The following FRMD4B variants were observed in gnomAD, a reference collection of about 807,000 sequenced individuals.
FRMD4B encodes FERM domain-containing protein 4B.
Under a neutral mutation model 141.5 loss-of-function variants are expected in FRMD4B, and 74 were observed. The ratio of observed to expected loss-of-function variants is 0.52; its 90% confidence interval spans 0.43 to 0.63. The LOEUF is 0.63. FRMD4B is among the 30% of genes least tolerant of loss of function. The pLI, the probability that FRMD4B is intolerant of heterozygous loss-of-function variation, is 0.00. For synonymous variants in FRMD4B, 506 were observed against 467.9 expected (o/e 1.08, Z -1.05); for missense variants, 1,366 against 1,253.4 (o/e 1.09, Z -1.36).
At chr3:69,338,270 A>T (rs1702620813) in intron 1 of FRMD4B, among the ~76,000 whole-genome samples, 3 of 152,168 alleles carry the variant, frequency 2.0e-5, no homozygotes, top group Admixed American at 6.5e-5. Flanking sequence ...CAACTCATGG[A>T]TGCAGAACGG....
At chr3:69,492,013 G>A (rs749278782) in intron 1 of FRMD4B, among the ~76,000 whole-genome samples, 12 of 152,234 alleles carry the variant, frequency 7.9e-5, no homozygotes, top group East Asian at 1.9e-4. Flanking sequence ...CAAGACAGTC[G>A]GCCAAGAGCA....
At chr3:69,203,752 T>C (rs890529150) in intron 11 of FRMD4B, among the ~76,000 whole-genome samples, 5 of 152,230 alleles carry the variant, frequency 3.3e-5, no homozygotes, top group Non-Finnish European at 7.3e-5. Context: ...GCCCAACGCC[T>C]GGCTCAGTAT....
chr3:69,242,609 C>T (rs923363383), intron 7 of FRMD4B, among the ~76,000 whole-genome samples: 2 of 137,350 alleles, frequency 1.5e-5, no homozygotes, highest in African/African-American at 5.5e-5. Flanking sequence ...CACTGAATTG[C>T]AAAATGTAGT....
intron 7 of FRMD4B, 71 bp downstream of exon 7, chr3:69,249,155 T>C: frequency 1.0e-6 from 1 of 970,908 alleles, no homozygotes; most frequent in Non-Finnish European, 1.6e-6. Flanking sequence ...TCCATTGTTA[T>C]TTAAAATAAC....
At chr3:69,209,139 A>G (rs1280646169) in intron 11 of FRMD4B, among the ~76,000 whole-genome samples, 27 of 148,458 alleles carry the variant, frequency 1.8e-4, no homozygotes, top group African/African-American at 6.8e-4. Context: ...GCGAGAATCC[A>G]TCTCAAAAAA....
intron 1 of FRMD4B, among the ~76,000 whole-genome samples, chr3:69,460,143 T>C (rs768920240): frequency 1.3e-5 from 2 of 152,206 alleles, no homozygotes; most frequent in Non-Finnish European, 2.9e-5. Flanking sequence ...TCAAATGCCA[T>C]TTGTTGGAAA....
intron 1 of FRMD4B, among the ~76,000 whole-genome samples, chr3:69,333,555 G>T (rs1702449035): frequency 6.6e-6 from 1 of 152,144 alleles, no homozygotes; most frequent in African/African-American, 2.4e-5. Context: ...AGTTGCTACA[G>T]AAATTCATAG....
At chr3:69,410,726 A>AATAAATATATATAT (rs1559519781) in intron 2 of FRMD4B, among the ~76,000 whole-genome samples, 3 of 86,340 alleles carry the variant, frequency 3.5e-5, no homozygotes, top group Non-Finnish European at 4.9e-5. Flanking sequence ...TAAATAAATA[A>AATAAATATATATAT]ATATATATAT....
chr3:69,300,462 A>G (rs1701178588), intron 4 of FRMD4B, among the ~76,000 whole-genome samples: 1 of 152,182 alleles, frequency 6.6e-6, no homozygotes, highest in Non-Finnish European at 1.5e-5. Flanking sequence ...CCACTCTGGA[A>G]TTTCAGGAAC....
At chr3:69,287,581 A>T in intron 5 of FRMD4B, 171 bp downstream of exon 5, 1 of 565,766 alleles carries the variant, frequency 1.8e-6, no homozygotes. Flanking sequence ...AATTTGAGAA[A>T]AGATACCATT....
chr3:69,383,404 A>C (rs12330712), intron 1 of FRMD4B, among the ~76,000 whole-genome samples: 33,652 of 152,162 alleles, frequency 0.22, 4,642 homozygotes, highest in African/African-American at 0.38. Flanking sequence ...TATTAAACTT[A>C]GAGATCATTT....
intron 2 of FRMD4B, among the ~76,000 whole-genome samples, chr3:69,400,763 T>C (rs1704549959): frequency 6.6e-6 from 1 of 152,310 alleles, no homozygotes; most frequent in South Asian, 2.1e-4. Flanking sequence ...ATCTGAGACA[T>C]ATTTGGTCCT....
chr3:69,274,705 G>T (rs2093610182), intron 5 of FRMD4B, among the ~76,000 whole-genome samples: 1 of 152,048 alleles, frequency 6.6e-6, no homozygotes. Context: ...TTTTAGTAGA[G>T]ACGGGGTTTT....
At chr3:69,226,259 G>C (rs1406278413) in intron 7 of FRMD4B, among the ~76,000 whole-genome samples, 1 of 152,126 alleles carries the variant, frequency 6.6e-6, no homozygotes, top group Non-Finnish European at 1.5e-5. Context: ...AAATCTGAGA[G>C]TTATGGCTTA....
chr3:69,432,054 A>G (rs4446216), intron 2 of FRMD4B, among the ~76,000 whole-genome samples: 39,724 of 152,112 alleles, frequency 0.26, 5,699 homozygotes, highest in East Asian at 0.47. Context: ...CTGTTCAAAT[A>G]TTCCATCCCC....
chr3:69,341,272 G>A (rs1211481732), intron 1 of FRMD4B, among the ~76,000 whole-genome samples: 1 of 151,502 alleles, frequency 6.6e-6, no homozygotes, highest in Non-Finnish European at 1.5e-5. Flanking sequence ...AAATGCAGTG[G>A]TTACTGAAAA....
At chr3:69,187,639 AG>A in intron 19 of FRMD4B, 130 bp downstream of exon 19, 4 of 725,764 alleles carry the variant, frequency 5.5e-6, no homozygotes, top group Non-Finnish European at 6.3e-6. Flanking sequence ...TCTATGCCCC[AG>A]TTTTACAAGA....
At chr3:69,182,318 G>T (rs967671229) in intron 20 of FRMD4B, among the ~76,000 whole-genome samples, 17 of 152,164 alleles carry the variant, frequency 1.1e-4, no homozygotes, top group African/African-American at 3.9e-4. Context: ...ATTTCAAAAT[G>T]TTGCTATTGT....
intron 11 of FRMD4B, chr3:69,200,733 G>A: frequency 8.2e-7 from 1 of 1,224,422 alleles, no homozygotes; most frequent in Non-Finnish European, 1.1e-6. Flanking sequence ...TACTTCCTAG[G>A]AAGTAAGTTG....
Sources: gnomAD v4.1 joint callset for allele counts (sites outside exome capture counted in the v4.1 genomes callset) on GRCh38, gnomAD v4.1.1 for gene constraint, MANE v1.5 for transcripts, NCBI Gene and HGNC (gene_info 2026-07-23, HGNC 2026-07-21) for gene names.